ZNF385D: variants seen among roughly 807,000 people sequenced by gnomAD.
The protein encoded by ZNF385D is zinc finger protein 659.
In ZNF385D, 15 loss-of-function variants were observed where a neutral mutation model predicts 35.8. That is an observed-to-expected ratio of 0.42 (90% CI 0.28 to 0.64). ZNF385D has a LOEUF of 0.64. ZNF385D is among the 30% of genes least tolerant of loss of function. ZNF385D has a pLI of 0.23. For synonymous variants in ZNF385D, 212 were observed against 186.8 expected (o/e 1.13, Z -1.10); for missense variants, 474 against 494.6 (o/e 0.96, Z 0.39).
At chr3:21,780,082 C>A (rs568446762) in intron 3 of ZNF385D, among the ~76,000 whole-genome samples, 2 of 151,858 alleles carry the variant, frequency 1.3e-5, no homozygotes, top group African/African-American at 2.4e-5. Flanking sequence ...ATAGTCCACA[C>A]CCACACAGAA....
intron 2 of ZNF385D, among the ~76,000 whole-genome samples, chr3:22,347,480 T>A (rs1695710922): frequency 1.3e-5 from 2 of 152,172 alleles, no homozygotes; most frequent in Admixed American, 1.3e-4. Flanking sequence ...GCTGACTCAA[T>A]TTTAGAAAAG....
chr3:21,994,716 A>G (rs1695356251), intron 3 of ZNF385D, among the ~76,000 whole-genome samples: 1 of 152,212 alleles, frequency 6.6e-6, no homozygotes, highest in Admixed American at 6.5e-5. Context: ...CTATAGATGT[A>G]TCAATAGTGC....
intron 2 of ZNF385D, among the ~76,000 whole-genome samples, chr3:21,655,748 C>T (rs2066053213): frequency 6.6e-6 from 1 of 151,954 alleles, no homozygotes; most frequent in African/African-American, 2.4e-5. Context: ...ATGTTGAAAA[C>T]AAATTGTACT....
chr3:22,311,313 TGTGA>T (rs1158197808), intron 2 of ZNF385D, among the ~76,000 whole-genome samples: 1 of 152,028 alleles, frequency 6.6e-6, no homozygotes, highest in Non-Finnish European at 1.5e-5. Context: ...TTTGATTTTA[TGTGA>T]GTGTGATTCT....
chr3:22,144,547 T>A (rs1704723567), intron 3 of ZNF385D, among the ~76,000 whole-genome samples: 1 of 113,662 alleles, frequency 8.8e-6, no homozygotes, highest in Non-Finnish European at 1.6e-5. Context: ...CACTCCAGCC[T>A]AGGCAACAGG....
intron 1 of ZNF385D, among the ~76,000 whole-genome samples, chr3:21,711,167 G>A (rs1448081215): frequency 2.7e-5 from 4 of 146,034 alleles, no homozygotes; most frequent in South Asian, 2.2e-4. Flanking sequence ...TCAGCCTCCC[G>A]AGTAGCTGGG....
Position 22,287,629 on chromosome 3 carries a change from T to A in ZNF385D, c.106+84821A>T, listed in dbSNP as rs186511980. On this transcript the variant is annotated intron_variant, in intron 2 of 5. Coordinates refer to the ZNF385D transcript ENST00000494108. The stretch of plus-strand genomic sequence containing the variant: ...AAAATCTAACTTGGCATACACAAAC[T>A]CTACACTTTTTCTACCCATAACCCC... 3.2e-3 allele frequency among the ~76,000 whole-genome samples: 487 copies of A among 152,070 alleles called. 4 individuals carry two copies. Among genetic ancestry groups the A allele is most frequent in the Non-Finnish European group, 4.3e-3 (295 of 67,910 alleles).
At chr3:21,456,353 T>C (rs1702808641) in intron 4 of ZNF385D, among the ~76,000 whole-genome samples, 2 of 152,130 alleles carry the variant, frequency 1.3e-5, no homozygotes, top group South Asian at 4.1e-4. Flanking sequence ...CCAACAATGA[T>C]AGACTGGGTT....
At chr3:21,837,928 T>C (rs1045545142) in intron 3 of ZNF385D, among the ~76,000 whole-genome samples, 2 of 151,522 alleles carry the variant, frequency 1.3e-5, no homozygotes, top group Non-Finnish European at 2.9e-5. Context: ...AAAATAATAT[T>C]GCAAATGACG....
intron 2 of ZNF385D, among the ~76,000 whole-genome samples, chr3:21,662,116 G>C (rs777584019): frequency 8.5e-5 from 13 of 152,232 alleles, no homozygotes; most frequent in Non-Finnish European, 1.5e-4. Flanking sequence ...ATGGGTAAAA[G>C]TTGTTGGGTG....
chr3:21,752,511 A>G (rs2070150070), upstream of ZNF385D, among the ~76,000 whole-genome samples: 1 of 152,210 alleles, frequency 6.6e-6, no homozygotes, highest in Admixed American at 6.5e-5. Context: ...GCTGAAGCTC[A>G]TAATAACGGC....
At chr3:22,018,588 A>G (rs1319956740) in intron 3 of ZNF385D, among the ~76,000 whole-genome samples, 2 of 151,912 alleles carry the variant, frequency 1.3e-5, no homozygotes, top group African/African-American at 4.8e-5. Context: ...CTTCTTCTCT[A>G]TGACTTTAAT....
At chr3:22,265,756 C>T (rs547572957) in intron 2 of ZNF385D, among the ~76,000 whole-genome samples, 4 of 152,066 alleles carry the variant, frequency 2.6e-5, no homozygotes, top group Admixed American at 1.3e-4. Context: ...ACTGATCCAA[C>T]ACCTACTATG....
intron 3 of ZNF385D, among the ~76,000 whole-genome samples, chr3:21,816,877 A>T (rs904486934): frequency 6.6e-6 from 1 of 152,172 alleles, no homozygotes; most frequent in South Asian, 2.1e-4. Flanking sequence ...CATTGCCAAG[A>T]CAATCCTAAG....
chr3:21,626,888 A>G (rs1404926351), intron 2 of ZNF385D, among the ~76,000 whole-genome samples: 1 of 152,060 alleles, frequency 6.6e-6, no homozygotes, highest in African/African-American at 2.4e-5. Context: ...GGCCAAGGCA[A>G]TGCACATCAA....
At chr3:21,912,142 G>C (rs765664435) in intron 3 of ZNF385D, among the ~76,000 whole-genome samples, 4 of 151,842 alleles carry the variant, frequency 2.6e-5, no homozygotes, top group Non-Finnish European at 4.4e-5. Context: ...CCAATACAAA[G>C]CTATCGTGTT....
intron 4 of ZNF385D, among the ~76,000 whole-genome samples, chr3:21,493,087 G>A (rs903652980): frequency 2.0e-5 from 3 of 151,938 alleles, no homozygotes; most frequent in Non-Finnish European, 4.4e-5. Flanking sequence ...CTAGAGCAAG[G>A]CACTTTTTAA....
intron 3 of ZNF385D, among the ~76,000 whole-genome samples, chr3:22,025,927 A>G (rs576555933): frequency 6.6e-6 from 1 of 152,262 alleles, no homozygotes; most frequent in Non-Finnish European, 1.5e-5. Flanking sequence ...ATACTATATG[A>G]ATAATTGGAT....
rs553260562 is a variant in ZNF385D, at chr3:21,722,022, C to G, written c.22+28873G>C. Among the ~76,000 whole-genome samples the G allele has an allele frequency of 7.9e-5, 12 of 151,448 alleles. No individual in the cohort carries two copies. In the South Asian group the frequency reaches 2.5e-3, roughly 32 times the overall value. The stretch of plus-strand genomic sequence containing the variant: ...GGCTGAGGGAGGAGAATCACTTGAA[C>G]CCGGGAGGCGGAGGCTGCAGTGAGC... On this transcript the variant is annotated intron_variant, in intron 1 of 7. Transcript: ENST00000281523.
Sources: allele counts gnomAD v4.1 joint callset (sites outside exome capture counted in the v4.1 genomes callset), GRCh38; gene constraint gnomAD v4.1.1; transcripts MANE v1.5; gene names NCBI Gene and HGNC (gene_info 2026-07-23, HGNC 2026-07-21).